The following SRA1 variants were observed in gnomAD, a reference collection of about 807,000 sequenced individuals.
SRA1 encodes the protein steroid receptor RNA activator 1.
Under a neutral mutation model 24.3 loss-of-function variants are expected in SRA1, and 25 were observed. The ratio of observed to expected loss-of-function variants is 1.03; its 90% CI spans 0.75 to 1.43. SRA1 has a LOEUF of 1.43. SRA1 is among the 40% of genes most tolerant of loss of function. The pLI is 0.00. For synonymous variants in SRA1, 104 were observed against 109.5 expected (o/e 0.95, Z 0.31); for missense variants, 303 against 286.6 (o/e 1.06, Z -0.41).
In SRA1 at chr5:140,550,397, A is replaced by ATT. The variant is rs999673839; in HGVS notation, c.*302_*303insAA. On this transcript the variant is annotated 3_prime_UTR_variant, in exon 5 of 5. Transcript: ENST00000336283. ...TACCCAGCAGATCCCTTCCTGATGA[A>ATT]TGGAGAAGGGAGAACAGAGGTTTGC... is the stretch of plus-strand genomic sequence containing the variant. 60 of 424,466 alleles carry ATT rather than the reference A, an allele frequency of 1.4e-4. No individual in the cohort carries two copies. Among genetic ancestry groups the ATT allele is most frequent in the African/African-American group, 1.1e-3 (57 of 50,362 alleles). 26.3% of individuals were successfully genotyped at this position (424,466 alleles called of 1,614,324 possible). A position where few individuals can be genotyped will look rare whatever the true frequency, so the allele number is the denominator to read the frequency against.
chr5:140,553,061 C>G (rs1316954497), intron 2 of SRA1, among the ~76,000 whole-genome samples: 1 of 152,250 alleles, frequency 6.6e-6, no homozygotes, highest in African/African-American at 2.4e-5. Flanking sequence ...TTAAGTTTAT[C>G]TGAGCTCACT....
At chr5:140,552,233 G>A (rs1581397338) in intron 2 of SRA1, 49 bp from the exon 3 acceptor site, 1 of 1,373,986 alleles carries the variant, frequency 7.3e-7, no homozygotes. Context: ...TGGGTAAGAA[G>A]CTTAACTCTA....
chr5:140,555,115 G>A (rs923189852), intron 2 of SRA1, among the ~76,000 whole-genome samples: 1 of 152,110 alleles, frequency 6.6e-6, no homozygotes, highest in African/African-American at 2.4e-5. Flanking sequence ...CTGACCTCGT[G>A]ATCCACCCGC....
chr5:140,553,859 T>C (rs145800774), intron 2 of SRA1, among the ~76,000 whole-genome samples: 2 of 152,164 alleles, frequency 1.3e-5, no homozygotes, highest in East Asian at 1.9e-4. Flanking sequence ...CAGGAGTGGA[T>C]TGAGAGTGAG....
At chr5:140,557,807 AT>A, upstream of SRA1, 1 of 432,036 alleles carries the variant, frequency 2.3e-6, no homozygotes, top group South Asian at 3.2e-5. Flanking sequence ...CTCCTCTTGC[AT>A]TGCCCTGCAC....
rs549729857 is a variant in SRA1 at position 140,550,309 on chromosome 5, C to T, written c.*391G>A. The T allele has an allele frequency of 1.6e-5, 4 of 256,966 alleles. No homozygotes were observed. Among genetic ancestry groups the T allele is most frequent in the East Asian group, 9.5e-5 (1 of 10,500 alleles). 15.9% of individuals were successfully genotyped at this position (256,966 alleles called of 1,614,324 possible). A position where few individuals can be genotyped will look rare whatever the true frequency, so the allele number is the denominator to read the frequency against. On this transcript the variant is annotated 3_prime_UTR_variant, in exon 5 of 5. Coordinates refer to ENST00000336283, the MANE Select transcript of SRA1 (RefSeq NM_001035235.4). ...TGAAACCATCCAAACACAGCTGCTCCGCCCAGCACAGGATGTGCTTTCAGT... is the reference window on the plus strand; with the variant it reads ...TGAAACCATCCAAACACAGCTGCTCTGCCCAGCACAGGATGTGCTTTCAGT...
chr5:140,555,624 G>A (rs996237553), intron 2 of SRA1, among the ~76,000 whole-genome samples: 3 of 152,024 alleles, frequency 2.0e-5, no homozygotes, highest in African/African-American at 7.3e-5. Flanking sequence ...CTCTGTCCCT[G>A]GCCATATTCA....
intron 2 of SRA1, 44 bp downstream of exon 2, chr5:140,557,103 C>CAT (rs1561863093): frequency 8.4e-7 from 1 of 1,184,180 alleles, no homozygotes; most frequent in Admixed American, 2.0e-5. Flanking sequence ...ACACCCCCCC[C>CAT]CCCCCATTCT....
chr5:140,550,668 G>A lies in SRA1; in HGVS notation c.*32C>T, dbSNP rs3210505. The A allele has an allele frequency of 6.2e-7, 1 of 1,604,606 alleles. No individual in the cohort carries two copies. Among genetic ancestry groups the A allele is most frequent in the East Asian group, 2.2e-5 (1 of 44,840 alleles). On this transcript the variant is annotated 3_prime_UTR_variant, in exon 5 of 5. Transcript: ENST00000336283. ...GACAGAAGGTCTCCAAGGCATAGGA[G>A]ATGGTGTCCGGTGAGTCTGGGGAAC... is the stretch of plus-strand genomic sequence containing the variant.
In SRA1 at chr5:140,557,383, G is replaced by A. The variant is rs758240487; in HGVS notation, c.25+45C>T. On this transcript the variant is annotated intron_variant, in intron 1 of 4. Coordinates refer to ENST00000336283, the MANE Select transcript of SRA1 (RefSeq NM_001035235.4). The stretch of plus-strand genomic sequence containing the variant: ...AAGCGCCGCAACCGCCCCCAGCCTA[G>A]GCCGGGGCGACAACCTAGTGCCCTA... 33 of 1,601,594 alleles carry A rather than the reference G, an allele frequency of 2.1e-5. No individual in the cohort carries two copies. In the East Asian group the frequency reaches 5.4e-4, roughly 26 times the overall value.
intron 1 of SRA1, 75 bp from the exon 2 acceptor site, chr5:140,557,347 G>A (rs762033798): frequency 5.0e-6 from 8 of 1,603,658 alleles, no homozygotes; most frequent in Admixed American, 1.7e-5. Flanking sequence ...GGGAGACAGA[G>A]GGTCCATACT....
In SRA1 at chr5:140,550,903, T is replaced by C. The variant is rs757614399; in HGVS notation, c.472A>G (p.Ser158Gly). The C allele has an allele frequency of 7.0e-5, 113 of 1,614,070 alleles. 2 individuals are homozygous for C. In the South Asian group the frequency reaches 1.2e-3, roughly 17 times the overall value. Residue 158 changes from serine to glycine, a missense_variant, in exon 5 of 5, where the codon AGC becomes GGC. Physicochemically the swap from Ser to Gly is moderately conservative, Grantham distance 56. Coordinates refer to ENST00000336283, the MANE Select transcript of SRA1 (RefSeq NM_001035235.4). Reference protein sequence around the residue: ...RMALLVQELSSHRWDAADDIH... With the variant: ...RMALLVQELSGHRWDAADDIH... Reference sequence around the variant, plus strand: ...TCATCTGCTGCGTCCCACCGGTGGCTTGAAAGCTCTGAAGAGAGACGGGGG... The same window carrying C: ...TCATCTGCTGCGTCCCACCGGTGGCCTGAAAGCTCTGAAGAGAGACGGGGG...
chr5:140,550,366 T>A lies in SRA1; in HGVS notation c.*334A>T. The A allele has an allele frequency of 2.9e-6, 1 of 345,852 alleles. No individual in the cohort carries two copies. The highest frequency in any genetic ancestry group is 6.1e-5 in the East Asian group (1 of 16,308). 21.4% of individuals were successfully genotyped at this position (345,852 alleles called of 1,614,324 possible). ...TGGGAAAAAGTGGTAGGCAGTAGTC[T>A]GACTTTACCCAGCAGATCCCTTCCT... On this transcript the variant is annotated 3_prime_UTR_variant, in exon 5 of 5. Coordinates refer to ENST00000336283, the MANE Select transcript of SRA1 (RefSeq NM_001035235.4).
rs1232166582 is a variant in SRA1 at position 140,551,103 on chromosome 5, A to G, written c.421T>C (p.Leu141=). Residue 141 remains leucine, a synonymous_variant, in exon 4 of 5, where the codon TTG becomes CTG. Transcript: ENST00000336283. ...ATTCTCTTCTTTACAGGTATTGACA[A>G]CTTTCCTCCAGCCCACTGTTCCTGC... ...LLQEQWAGGK[L]SIPVKKRMAL... 1.9e-6 allele frequency: 3 copies of G among 1,614,170 alleles called. No homozygotes were observed. Among genetic ancestry groups the G allele is most frequent in the Non-Finnish European group, 2.5e-6 (3 of 1,180,014 alleles).
chr5:140,550,378 G>A lies in SRA1; in HGVS notation c.*322C>T, dbSNP rs1179054351. ...GTAGGCAGTAGTCTGACTTTACCCA[G>A]CAGATCCCTTCCTGATGAATGGAGA... On this transcript the variant is annotated 3_prime_UTR_variant, in exon 5 of 5. Transcript: ENST00000336283. 5.2e-6 allele frequency: 2 copies of A among 381,370 alleles called. No homozygotes were observed. Among genetic ancestry groups the A allele is most frequent in the Admixed American group, 4.1e-5 (1 of 24,360 alleles). 23.6% of individuals were successfully genotyped at this position (381,370 alleles called of 1,614,324 possible). A position where few individuals can be genotyped will look rare whatever the true frequency, so the allele number is the denominator to read the frequency against.
In SRA1 at chr5:140,550,865, G is replaced by A; in HGVS notation, c.510C>T (p.Ser170=). 2.5e-6 allele frequency: 4 copies of A among 1,614,124 alleles called. No homozygotes were observed. The highest frequency in any genetic ancestry group is 3.4e-6 in the Non-Finnish European group (4 of 1,180,024). ...CCTCAGTCACATGGTCAACCATGAG[G>A]GAGCGGTGGATGTCATCTGCTGCGT... ...RWDAADDIHR[S]LMVDHVTEVS... The change falls in exon 5 of 5, where the codon TCC becomes TCT. Residue 170 remains serine, a synonymous_variant. Transcript: ENST00000336283.
At chr5:140,552,653 CAAAA>C (rs1230692302) in intron 2 of SRA1, among the ~76,000 whole-genome samples, 2 of 107,676 alleles carry the variant, frequency 1.9e-5, no homozygotes. Flanking sequence ...AACTCTGTCT[CAAAA>C]AAAAAAAAAA....
Position 140,552,056 on chromosome 5 carries a change from C to T in SRA1, c.280G>A (p.Glu94Lys), listed in dbSNP as rs143576066. The T allele has an allele frequency of 5.0e-6, 8 of 1,613,806 alleles. No individual in the cohort carries two copies. The highest frequency in any genetic ancestry group is 1.1e-5 in the South Asian group (1 of 91,028). ...SGVEPTSFPV[E>K]SEAVMEDVLR... Reference sequence around the variant, plus strand: ...ACATCCTCCATCACAGCCTCAGACTCGACTGGGAAACTTGTGGGCTCCACG... The same window carrying T: ...ACATCCTCCATCACAGCCTCAGACTTGACTGGGAAACTTGTGGGCTCCACG... The change falls in exon 3 of 5, where the codon GAG becomes AAG. Residue 94 changes from glutamate (E) to lysine (K), a missense_variant. Transcript: ENST00000336283.
In SRA1 at chr5:140,550,372, T is replaced by C. The variant is rs1239716796; in HGVS notation, c.*328A>G. On this transcript the variant is annotated 3_prime_UTR_variant, in exon 5 of 5. Transcript: ENST00000336283. The stretch of plus-strand genomic sequence containing the variant: ...AAAGTGGTAGGCAGTAGTCTGACTT[T>C]ACCCAGCAGATCCCTTCCTGATGAA... The C allele has an allele frequency of 1.1e-5, 4 of 364,290 alleles. No homozygotes were observed. Among genetic ancestry groups the C allele is most frequent in the South Asian group, 6.4e-5 (2 of 31,318 alleles). 22.6% of individuals were successfully genotyped at this position (364,290 alleles called of 1,614,324 possible). A position where few individuals can be genotyped will look rare whatever the true frequency, so the allele number is the denominator to read the frequency against.
Sources: gnomAD v4.1 joint callset for allele counts (sites outside exome capture counted in the v4.1 genomes callset) on GRCh38, gnomAD v4.1.1 for gene constraint, MANE v1.5 for transcripts, NCBI Gene and HGNC (gene_info 2026-07-23, HGNC 2026-07-21) for gene names.